The following CDH10 variants were observed in gnomAD, a reference collection of about 807,000 sequenced individuals.
CDH10 encodes the protein cadherin 10.
Under a neutral mutation model 73.1 loss-of-function variants are expected in CDH10, and 30 were observed. The observed-to-expected ratio is 0.41, with a 90% CI of 0.31 to 0.56. The LOEUF (loss-of-function observed/expected upper bound fraction) is 0.56. Among genes scored for constraint, CDH10 ranks in the 20% least tolerant of loss-of-function variants. The pLI is 0.27. For missense variants in CDH10, 815 were observed against 973.7 expected, an observed-to-expected ratio of 0.84 and a Z score of 2.17; for synonymous variants, 345 against 348.2, an observed-to-expected ratio of 0.99 and a Z score of 0.10.
At chr5:24,495,523 G>A (rs1010815892) in intron 9 of CDH10, among the ~76,000 whole-genome samples, 12 of 152,014 alleles carry the variant, frequency 7.9e-5, no homozygotes, top group Admixed American at 6.5e-4. Context: ...TGGAGTTTCC[G>A]TTAATGAGAA....
intron 5 of CDH10, among the ~76,000 whole-genome samples, chr5:24,531,455 T>C (rs890644194): frequency 1.3e-5 from 2 of 152,082 alleles, no homozygotes; most frequent in African/African-American, 4.8e-5. Flanking sequence ...GATAAAGACA[T>C]ACACAAGACT....
rs548797994 is a variant in CDH10, at chr5:24,505,996, C to G, written c.1257-748G>C. On this transcript the variant is annotated intron_variant, in intron 7 of 11. Coordinates refer to ENST00000264463, the MANE Select transcript of CDH10 (RefSeq NM_006727.5). Reference sequence around the variant, plus strand: ...GGGTGTGGTGGCACGTGCCTGTAGTCCCAGCTACTCAGAAGGATGAAGCAG... The same window carrying G: ...GGGTGTGGTGGCACGTGCCTGTAGTGCCAGCTACTCAGAAGGATGAAGCAG... 1.1e-4 allele frequency among the ~76,000 whole-genome samples: 16 copies of G among 151,932 alleles called. No homozygotes were observed. In the South Asian group the frequency reaches 3.3e-3, roughly 32 times the overall value.
chr5:24,492,723 T>A, intron 10 of CDH10, 94 bp downstream of exon 10: 1 of 635,516 alleles, frequency 1.6e-6, no homozygotes, highest in Non-Finnish European at 2.9e-6. Flanking sequence ...CTCAGATCAA[T>A]AAATTGATAT....
chr5:24,625,622 T>G (rs1747471753), intron 1 of CDH10, among the ~76,000 whole-genome samples: 1 of 149,068 alleles, frequency 6.7e-6, no homozygotes. Context: ...TATTCACAAA[T>G]ATGAATATAT....
At chr5:24,586,434 C>T (rs1257103592) in intron 2 of CDH10, among the ~76,000 whole-genome samples, 4 of 100,426 alleles carry the variant, frequency 4.0e-5, no homozygotes, top group African/African-American at 1.6e-4. Context: ...TTATTAACTC[C>T]TTTTTTTTTT....
chr5:24,615,558 T>C (rs530081294), intron 1 of CDH10, among the ~76,000 whole-genome samples: 9 of 152,358 alleles, frequency 5.9e-5, no homozygotes, highest in African/African-American at 2.2e-4. Flanking sequence ...AAACAGATAA[T>C]ATGTGAATGA....
At chr5:24,575,782 T>A (rs1482925342) in intron 2 of CDH10, among the ~76,000 whole-genome samples, 2 of 152,186 alleles carry the variant, frequency 1.3e-5, no homozygotes, top group African/African-American at 4.8e-5. Context: ...TATATTTAAA[T>A]ACCTGTGCAA....
intron 1 of CDH10, among the ~76,000 whole-genome samples, chr5:24,616,781 T>C (rs191222043): frequency 1.4e-4 from 22 of 152,300 alleles, no homozygotes; most frequent in Admixed American, 1.3e-3. Context: ...CTTGTGTTTA[T>C]CAATTTGTAT....
chr5:24,508,782 G>C (rs980485185), intron 7 of CDH10, among the ~76,000 whole-genome samples: 82 of 152,254 alleles, frequency 5.4e-4, no homozygotes, highest in African/African-American at 1.9e-3. Flanking sequence ...GCTTCCCAAA[G>C]TGCTGAGATT....
At chr5:24,573,657 C>T (rs1561172112) in intron 2 of CDH10, among the ~76,000 whole-genome samples, 1 of 145,932 alleles carries the variant, frequency 6.9e-6, no homozygotes, top group Admixed American at 6.9e-5. Flanking sequence ...GCGGAGATCG[C>T]GCCACTGCAG....
intron 2 of CDH10, among the ~76,000 whole-genome samples, chr5:24,557,942 A>G (rs968492592): frequency 1.3e-5 from 2 of 151,776 alleles, no homozygotes; most frequent in African/African-American, 4.8e-5. Flanking sequence ...GCAGTTTTAT[A>G]TTTGGCTTAA....
At chr5:24,614,976 A>C (rs928585176) in intron 1 of CDH10, among the ~76,000 whole-genome samples, 1 of 152,124 alleles carries the variant, frequency 6.6e-6, no homozygotes, top group Non-Finnish European at 1.5e-5. Context: ...GGAGTCAAGC[A>C]CCAGGAGCAT....
intron 2 of CDH10, among the ~76,000 whole-genome samples, chr5:24,545,264 G>C (rs1449065579): frequency 6.6e-6 from 1 of 152,164 alleles, no homozygotes; most frequent in African/African-American, 2.4e-5. Flanking sequence ...ACTTGGAGAA[G>C]TCTTCTTAAG....
At position 24,505,169 on chromosome 5, in the gene CDH10, G is replaced by A. The variant is rs778672806; in HGVS notation, c.1336C>T (p.Pro446Ser). Reference sequence around the variant, plus strand: ...CACTGAGATAGTTCACGGTCAAGAGGTTTTGATGTATAAAGAGATCCATTT... The same window carrying A: ...CACTGAGATAGTTCACGGTCAAGAGATTTTGATGTATAAAGAGATCCATTT... The part of the protein sequence containing the change: ...SGNGSLYTSK[P>S]LDRELSQWHN... Residue 446 changes from proline to serine, a missense_variant, in exon 8 of 12, where the codon CCT (proline) becomes TCT (serine). By Grantham distance (74) the Pro-to-Ser change is moderately conservative. Transcript: ENST00000264463. 6 of 1,612,152 alleles carry A rather than the reference G, an allele frequency of 3.7e-6. No individual in the cohort carries two copies. In the Admixed American group the frequency reaches 8.3e-5, roughly 22 times the overall value.
intron 2 of CDH10, among the ~76,000 whole-genome samples, chr5:24,539,001 CAT>C (rs1374396603): frequency 1.3e-5 from 2 of 151,940 alleles, no homozygotes; most frequent in Admixed American, 6.6e-5. Flanking sequence ...TATGTTGTTA[CAT>C]GTTTGATAAG....
intron 2 of CDH10, among the ~76,000 whole-genome samples, chr5:24,540,202 T>C (rs888323094): frequency 1.3e-5 from 2 of 151,910 alleles, no homozygotes; most frequent in Non-Finnish European, 2.9e-5. Flanking sequence ...ACCTAAATTA[T>C]CAAAGAAGGA....
chr5:24,618,025 A>T (rs1284255567), intron 1 of CDH10, among the ~76,000 whole-genome samples: 1 of 152,196 alleles, frequency 6.6e-6, no homozygotes, highest in Non-Finnish European at 1.5e-5. Context: ...AAGGGTAGTT[A>T]ACACTCCTCA....
rs1317425758 is a variant in CDH10, at chr5:24,509,717, T to C, written c.1105A>G (p.Thr369Ala). 1.9e-5 allele frequency: 31 copies of C among 1,612,882 alleles called. No individual in the cohort carries two copies. The highest frequency in any genetic ancestry group is 1.6e-4 in the Middle Eastern group (1 of 6,080). The change falls in exon 7 of 12, where the codon ACC becomes GCC. Residue 369 changes from threonine to alanine, a missense_variant. This residue lies in a region of CDH10 where 516 missense variants were observed against 636.6 expected (regional missense o/e 0.81). Coordinates refer to ENST00000264463, the MANE Select transcript of CDH10 (RefSeq NM_006727.5). ...FYYLGPFKDTTIVKISIEDVD... is the reference protein window; with the variant it reads ...FYYLGPFKDTAIVKISIEDVD... ...TCTTCTATAGAGATTTTCACTATGG[T>C]AGTATCTTTAAATGGTCCTAGGTAA...
intron 2 of CDH10, among the ~76,000 whole-genome samples, chr5:24,572,918 A>G (rs998084328): frequency 1.4e-5 from 2 of 143,640 alleles, no homozygotes; most frequent in Non-Finnish European, 3.1e-5. Context: ...GAATCTGTAT[A>G]ATTGTACTTA....
Sources: allele counts gnomAD v4.1 joint callset (sites outside exome capture counted in the v4.1 genomes callset), GRCh38; gene constraint gnomAD v4.1.1; regional missense constraint gnomAD v4.1.1; transcripts MANE v1.5; gene names NCBI Gene and HGNC (gene_info 2026-07-23, HGNC 2026-07-21).